ZNF679: variants seen among roughly 807,000 people sequenced by gnomAD.
ZNF679 encodes zinc finger protein 679, also known as hypothetical protein MGC42415.
Under a neutral mutation model 13.4 loss-of-function variants are expected in ZNF679, and 10 were observed. That is an observed-to-expected ratio of 0.75 (90% CI 0.46 to 1.27). The LOEUF (loss-of-function observed/expected upper bound fraction) is 1.27. ZNF679 is among the 50% of genes most tolerant of loss of function. ZNF679 has a pLI of 0.00. For synonymous variants in ZNF679, 179 were observed against 162.5 expected (o/e 1.10, Z -0.77); for missense variants, 525 against 477.8 (o/e 1.10, Z -0.92).
chr7:64,230,300 G>A (rs1003424340), intron 1 of ZNF679, among the ~76,000 whole-genome samples: 5 of 152,126 alleles, frequency 3.3e-5, no homozygotes, highest in African/African-American at 1.2e-4. Context: ...TTGGGAGGCC[G>A]AGGCGGGTGG....
intron 2 of ZNF679, among the ~76,000 whole-genome samples, chr7:64,252,841 C>G (rs1787959935): frequency 6.6e-6 from 1 of 152,198 alleles, no homozygotes; most frequent in South Asian, 2.1e-4. Flanking sequence ...CCTCAGCCTC[C>G]CAGGTAGCTG....
intron 2 of ZNF679, among the ~76,000 whole-genome samples, chr7:64,258,894 TTTTTG>T (rs76767120): frequency 0.034 from 5,197 of 150,886 alleles, 328 homozygotes; most frequent in African/African-American, 0.12. Flanking sequence ...TTTTTTGTTG[TTTTTG>T]TTTTGTTTTG....
intron 2 of ZNF679, among the ~76,000 whole-genome samples, chr7:64,259,963 A>C (rs192292383): frequency 6.6e-6 from 1 of 152,088 alleles, no homozygotes; most frequent in African/African-American, 2.4e-5. Context: ...AAAAGAAAAA[A>C]ATAGACATGT....
intron 1 of ZNF679, among the ~76,000 whole-genome samples, chr7:64,239,670 T>C (rs1457090114): frequency 6.6e-6 from 1 of 152,112 alleles, no homozygotes; most frequent in East Asian, 1.9e-4. Context: ...GGTAAGGTTA[T>C]GACATATCAC....
intron 2 of ZNF679, among the ~76,000 whole-genome samples, chr7:64,257,741 G>A (rs543045122): frequency 6.6e-6 from 1 of 152,314 alleles, no homozygotes; most frequent in South Asian, 2.1e-4. Context: ...GTGGAGATTG[G>A]TTGTCTTTAT....
intron 1 of ZNF679, among the ~76,000 whole-genome samples, chr7:64,243,861 C>G (rs896242204): frequency 6.6e-6 from 1 of 152,166 alleles, no homozygotes; most frequent in Non-Finnish European, 1.5e-5. Flanking sequence ...GAGTCAATAT[C>G]TCCTGTGAGT....
intron 1 of ZNF679, among the ~76,000 whole-genome samples, chr7:64,231,238 G>C (rs1787635002): frequency 6.6e-6 from 1 of 152,236 alleles, no homozygotes; most frequent in Non-Finnish European, 1.5e-5. Context: ...GTCCAGGTAA[G>C]AGAGTCATCA....
chr7:64,266,395 C>A lies in ZNF679; in HGVS notation c.762C>A (p.Thr254=), dbSNP rs774276105. 3 of 1,612,560 alleles carry A rather than the reference C, an allele frequency of 1.9e-6. No homozygotes were observed. Among genetic ancestry groups the A allele is most frequent in the Middle Eastern group, 1.7e-4 (1 of 6,046 alleles). The change falls in exon 5 of 5, where the codon ACC becomes ACA. Residue 254 remains threonine, a synonymous_variant. Coordinates refer to ENST00000421025, the MANE Select transcript of ZNF679 (RefSeq NM_153363.3). The stretch of plus-strand genomic sequence containing the variant: ...GCAAAGCTTTTACCTGGTCCTCAAC[C>A]CTTACTAAACATAGGAGAATTCATA... ...ECGKAFTWSS[T]LTKHRRIHTG...
At chr7:64,242,750 G>C (rs569986684) in intron 1 of ZNF679, among the ~76,000 whole-genome samples, 1 of 148,000 alleles carries the variant, frequency 6.8e-6, no homozygotes, top group East Asian at 2.0e-4. Context: ...ATATGCATGT[G>C]TGTGGTAATC....
At chr7:64,233,893 A>G (rs1255595120) in intron 1 of ZNF679, among the ~76,000 whole-genome samples, 1 of 152,204 alleles carries the variant, frequency 6.6e-6, no homozygotes, top group African/African-American at 2.4e-5. Context: ...GCTTGTGAGA[A>G]ACAAGAACGA....
At chr7:64,230,714 T>C (rs1051861190) in intron 1 of ZNF679, among the ~76,000 whole-genome samples, 13 of 152,162 alleles carry the variant, frequency 8.5e-5, no homozygotes, top group Non-Finnish European at 1.5e-4. Flanking sequence ...GTCCAGAGAT[T>C]AGATTCACAA....
At chr7:64,260,698 A>G (rs1170867592) in intron 3 of ZNF679, 136 bp from the exon 4 acceptor site, 6 of 1,023,028 alleles carry the variant, frequency 5.9e-6, no homozygotes, top group Non-Finnish European at 8.0e-6. Flanking sequence ...TTTTCTAAAT[A>G]GTTAAAAAGT....
chr7:64,242,335 A>G (rs937630652), intron 1 of ZNF679, among the ~76,000 whole-genome samples: 2 of 152,196 alleles, frequency 1.3e-5, no homozygotes, highest in African/African-American at 4.8e-5. Context: ...TACCACTTGC[A>G]GGTTTTATAT....
At chr7:64,258,305 T>A (rs1312205860) in intron 2 of ZNF679, among the ~76,000 whole-genome samples, 4 of 152,112 alleles carry the variant, frequency 2.6e-5, no homozygotes, top group Non-Finnish European at 5.9e-5. Flanking sequence ...ATTCTCAAGA[T>A]GCAGGTTTGA....
chr7:64,246,449 G>A (rs968854839), intron 1 of ZNF679, among the ~76,000 whole-genome samples: 9 of 151,928 alleles, frequency 5.9e-5, no homozygotes, highest in African/African-American at 2.2e-4. Flanking sequence ...CAGAGCTGGG[G>A]GTGGTGGCTC....
chr7:64,266,756 A>G lies in ZNF679; in HGVS notation c.1123A>G (p.Thr375Ala). ...TCTTAATACTCATAAGAGGATTCAT[A>G]CTGGAGAGGAACCCTACAAATGTGA... ...STLNTHKRIHTGEEPYKCEEC... is the reference protein window; with the variant it reads ...STLNTHKRIHAGEEPYKCEEC... Residue 375 changes from threonine to alanine, a missense_variant, in exon 5 of 5, where the codon ACT (threonine) becomes GCT (alanine). Coordinates refer to ENST00000421025, the MANE Select transcript of ZNF679 (RefSeq NM_153363.3). The G allele has an allele frequency of 1.2e-6, 2 of 1,611,114 alleles. No homozygotes were observed. The highest frequency in any genetic ancestry group is 1.1e-5 in the South Asian group (1 of 90,738).
chr7:64,232,061 A>T (rs1219169142), intron 1 of ZNF679, among the ~76,000 whole-genome samples: 1 of 152,206 alleles, frequency 6.6e-6, no homozygotes, highest in East Asian at 1.9e-4. Context: ...CCTAGCAGGA[A>T]TGCTGAAGTT....
At chr7:64,252,676 T>G (rs1217754331) in intron 2 of ZNF679, among the ~76,000 whole-genome samples, 1 of 152,244 alleles carries the variant, frequency 6.6e-6, no homozygotes, top group East Asian at 1.9e-4. Flanking sequence ...TTTGCAAAAT[T>G]AATGTGACAG....
chr7:64,230,538 T>C (rs916979115), intron 1 of ZNF679, among the ~76,000 whole-genome samples: 3 of 98,348 alleles, frequency 3.1e-5, no homozygotes, highest in African/African-American at 1.3e-4. Context: ...AGACTCCGTC[T>C]CAAAAAAAAA....
Sources: gnomAD v4.1 joint callset for allele counts (sites outside exome capture counted in the v4.1 genomes callset) on GRCh38, gnomAD v4.1.1 for gene constraint, MANE v1.5 for transcripts, NCBI Gene and HGNC (gene_info 2026-07-23, HGNC 2026-07-21) for gene names.